The following GPHN variants were observed in gnomAD, a reference collection of about 807,000 sequenced individuals.
GPHN encodes gephyrin.
A neutral mutation model predicts 95.5 loss-of-function variants in GPHN; 17 were observed. That is an observed-to-expected ratio of 0.18 (90% CI 0.12 to 0.27). GPHN has a LOEUF of 0.27. Among genes scored for constraint, GPHN ranks in the 10% least tolerant of loss-of-function variants. The pLI is 1.00. For synonymous variants in GPHN, 320 were observed against 322.5 expected (o/e 0.99, Z 0.08); for missense variants, 660 against 978.1 (o/e 0.67, Z 4.34).
At chr14:66,589,115 T>A (rs1476048858) in intron 1 of GPHN, among the ~76,000 whole-genome samples, 1 of 152,134 alleles carries the variant, frequency 6.6e-6, no homozygotes, top group Non-Finnish European at 1.5e-5. Context: ...AACCCAGAAT[T>A]GCATATCCAG....
intron 2 of GPHN, among the ~76,000 whole-genome samples, chr14:66,739,293 T>C (rs2153438733): frequency 6.6e-6 from 1 of 150,378 alleles, no homozygotes; most frequent in South Asian, 2.1e-4. Context: ...CTCGGCGTAC[T>C]GCAAGCTCTG....
the GPHN span, chr14:67,695,533 C>G: frequency 8.0e-7 from 1 of 1,255,578 alleles, no homozygotes. Flanking sequence ...GGAGCCCCCC[C>G]AGGGGAGTTT....
At chr14:67,512,483 C>G in the GPHN span, among the ~76,000 whole-genome samples, 5 of 152,156 alleles carry the variant, frequency 3.3e-5, no homozygotes, top group Non-Finnish European at 7.4e-5. Flanking sequence ...AATGTTCCTG[C>G]AATTCAAAAA....
chr14:67,457,858 C>T, the GPHN span, among the ~76,000 whole-genome samples: 1 of 152,214 alleles, frequency 6.6e-6, no homozygotes, highest in Non-Finnish European at 1.5e-5. Context: ...TTATTAGTAA[C>T]CAGATGCTCC....
intron 17 of GPHN, among the ~76,000 whole-genome samples, chr14:67,128,364 C>A (rs1209477288): frequency 6.6e-6 from 1 of 151,620 alleles, no homozygotes; most frequent in East Asian, 1.9e-4. Flanking sequence ...TCAAGTGATT[C>A]TCCTGTCTCA....
chr14:67,380,323 A>C, the GPHN span, among the ~76,000 whole-genome samples: 22,734 of 151,058 alleles, frequency 0.15, 3,194 homozygotes, highest in East Asian at 0.42. Flanking sequence ...AAGTTTTTCC[A>C]TGTTTTTTTT....
At chr14:66,692,317 T>C (rs2067833900) in intron 2 of GPHN, among the ~76,000 whole-genome samples, 1 of 152,110 alleles carries the variant, frequency 6.6e-6, no homozygotes, top group Non-Finnish European at 1.5e-5. Flanking sequence ...ATGGAAGGAG[T>C]GAGGAGTATG....
At chr14:66,849,237 G>A (rs139356576) in intron 4 of GPHN, among the ~76,000 whole-genome samples, 2 of 151,790 alleles carry the variant, frequency 1.3e-5, no homozygotes, top group Non-Finnish European at 3.0e-5. Flanking sequence ...TTTAATAACT[G>A]TTCTACAAAA....
chr14:67,374,835 T>C, the GPHN span, among the ~76,000 whole-genome samples: 5 of 152,312 alleles, frequency 3.3e-5, no homozygotes, highest in South Asian at 6.2e-4. Flanking sequence ...GACCCTGAGC[T>C]TCAAGTGATC....
At chr14:67,199,407 T>C in the GPHN span, 6 of 1,613,724 alleles carry the variant, frequency 3.7e-6, no homozygotes, top group Non-Finnish European at 5.1e-6. Flanking sequence ...GAGAAGTTGC[T>C]TTATGATACT....
the GPHN span, among the ~76,000 whole-genome samples, chr14:67,210,815 C>G: frequency 6.6e-6 from 1 of 151,934 alleles, no homozygotes; most frequent in Non-Finnish European, 1.5e-5. Context: ...GAGTTCGAGA[C>G]CAGCCTGGGC....
At chr14:67,020,197 T>C (rs1430304523) in intron 9 of GPHN, among the ~76,000 whole-genome samples, 1 of 152,190 alleles carries the variant, frequency 6.6e-6, no homozygotes, top group Admixed American at 6.5e-5. Flanking sequence ...TCAATTGTTC[T>C]TCATGTTGCA....
At chr14:66,516,046 G>A (rs1463495401) in intron 1 of GPHN, among the ~76,000 whole-genome samples, 8 of 149,734 alleles carry the variant, frequency 5.3e-5, no homozygotes, top group African/African-American at 1.2e-4. Context: ...TCACTCTGTC[G>A]CCCAGGCTGG....
intron 11 of GPHN, among the ~76,000 whole-genome samples, chr14:67,076,152 C>T (rs1651708521): frequency 6.6e-6 from 1 of 152,144 alleles, no homozygotes; most frequent in African/African-American, 2.4e-5. Context: ...CCACCCAGAT[C>T]AGTCAGCAGC....
At chr14:67,541,016 T>C in the GPHN span, among the ~76,000 whole-genome samples, 3 of 152,188 alleles carry the variant, frequency 2.0e-5, no homozygotes, top group East Asian at 5.8e-4. Context: ...CTTGTGGCTT[T>C]CTCCAGAGGT....
At chr14:67,568,936 G>A in the GPHN span, 1 of 550,970 alleles carries the variant, frequency 1.8e-6, no homozygotes, top group East Asian at 3.1e-5. Context: ...ACAGCAGCCT[G>A]AAAGGTAAGT....
the GPHN span, among the ~76,000 whole-genome samples, chr14:67,324,895 T>C: frequency 6.9e-6 from 1 of 144,950 alleles, no homozygotes; most frequent in Non-Finnish European, 1.5e-5. Context: ...AGCCTTCCTT[T>C]CATTTTTTTT....
chr14:66,643,835 ATTC>A (rs902867733), intron 1 of GPHN, among the ~76,000 whole-genome samples: 6 of 150,286 alleles, frequency 4.0e-5, no homozygotes, highest in African/African-American at 1.5e-4. Context: ...CACTCTTTTT[ATTC>A]TTTTTCTTAT....
At chr14:66,920,755 T>C (rs906550774) in intron 6 of GPHN, among the ~76,000 whole-genome samples, 7 of 151,864 alleles carry the variant, frequency 4.6e-5, no homozygotes, top group African/African-American at 1.7e-4. Flanking sequence ...CTCTTTCCCA[T>C]AAATTCCCAT....
Sources: allele counts gnomAD v4.1 joint callset (sites outside exome capture counted in the v4.1 genomes callset), GRCh38; gene constraint gnomAD v4.1.1; transcripts MANE v1.5; gene names NCBI Gene and HGNC (gene_info 2026-07-23, HGNC 2026-07-21).